The following HAP1 variants were observed in gnomAD, a reference collection of about 807,000 sequenced individuals.
The protein encoded by HAP1 is huntingtin-associated protein 1.
HAP1 carries 59 observed loss-of-function variants against 60.3 expected under a neutral mutation model. That is an observed-to-expected ratio of 0.98 (90% confidence interval 0.79 to 1.22). The LOEUF (loss-of-function observed/expected upper bound fraction) is 1.22. Among genes scored for constraint, HAP1 ranks in the 50% most tolerant of loss-of-function variants. The probability of loss-of-function intolerance (pLI) is 0.00; values close to 1 mark genes in which losing one functional copy is unlikely to be tolerated. For synonymous variants in HAP1, 346 were observed against 330.6 expected (o/e 1.05, Z -0.50); for missense variants, 825 against 785.3 (o/e 1.05, Z -0.60).
rs894484392 is a variant in HAP1, at chr17:41,731,658, T to C, written c.982A>G (p.Asn328Asp). Residue 328 changes from asparagine to aspartate, a missense_variant, in exon 5 of 11, where the codon AAT becomes GAT. Asn to Asp is a conservative substitution (Grantham distance 23). Coordinates refer to ENST00000347901, the MANE Select transcript of HAP1 (RefSeq NM_177977.3). Reference sequence around the variant, plus strand: ...CTCACCTCTTCTCTCAGCTGATGATTCTCCTCCTCCAGCAGCCTCAGCTTC... The same window carrying C: ...CTCACCTCTTCTCTCAGCTGATGATCCTCCTCCTCCAGCAGCCTCAGCTTC... ...QEKLRLLEEE[N>D]HQLREEASQL... The C allele has an allele frequency of 4.3e-6, 7 of 1,613,666 alleles. No individual in the cohort carries two copies. The Admixed American group carries it at 6.7e-5, about 15-fold the overall frequency.
At chr17:41,733,981 G>A (rs905531314) in intron 1 of HAP1, among the ~76,000 whole-genome samples, 185 bp downstream of exon 1, 2 of 152,162 alleles carry the variant, frequency 1.3e-5, no homozygotes, top group Non-Finnish European at 2.9e-5. Flanking sequence ...ACAAACCAGG[G>A]GACAAGAGCA....
intron 6 of HAP1, among the ~76,000 whole-genome samples, chr17:41,729,360 C>G (rs76227957): frequency 1 from 146,857 of 146,868 alleles, 73,423 homozygotes; most frequent in Middle Eastern, 1. Context: ...CACCAGCTTG[C>G]CCAACATGGT....
At chr17:41,718,068 T>C, downstream of HAP1, 1 of 458,152 alleles carries the variant, frequency 2.2e-6, no homozygotes, top group South Asian at 1.6e-5. Context: ...CAAACAAGTT[T>C]ATTAACATGT....
rs1555587460 is a variant in HAP1, at chr17:41,723,041, TCAA to T, written c.*1657_*1659del. 1 of 152,250 alleles carries T rather than the reference TCAA, an allele frequency of 6.6e-6. No individual in the cohort carries two copies. The highest frequency in any genetic ancestry group is 2.4e-5 in the African/African-American group (1 of 41,398). The allele number at this position is 152,250 out of a possible 1,614,324, so 9.4% of individuals were successfully genotyped here. A position where few individuals can be genotyped will look rare whatever the true frequency, so the allele number is the denominator to read the frequency against. ...AGGGAAGACAGCCAGGTCCCTCAAGTCAACAAGAACCAGGGTGGCTACCATTAG... is the reference window on the plus strand; with the variant it reads ...AGGGAAGACAGCCAGGTCCCTCAAGTCAAGAACCAGGGTGGCTACCATTAG... On this transcript the variant is annotated 3_prime_UTR_variant, in exon 11 of 11. Coordinates refer to ENST00000347901, the MANE Select transcript of HAP1 (RefSeq NM_177977.3).
rs1229600565 is a variant in HAP1 at position 41,732,101 on chromosome 17, G to C, written c.732C>G (p.His244Gln). ...GGAGCTCATCCCGCAAGTTCACCTG[G>C]TGTCTGAGGTATAAAATCTGGCAGG... ...SAKEEILYLR[H>Q]QVNLRDELLQ... Residue 244 changes from histidine to glutamine, a missense_variant, in exon 4 of 11, where the codon CAC (histidine) becomes CAG (glutamine). Physicochemically the swap from His to Gln is conservative, Grantham distance 24. Transcript: ENST00000347901. 6.2e-7 allele frequency: 1 copy of C among 1,613,888 alleles called. No homozygotes were observed. The highest frequency in any genetic ancestry group is 2.2e-5 in the East Asian group (1 of 44,880).
downstream of HAP1, chr17:41,718,178 G>A (rs1290045274): frequency 4.3e-5 from 13 of 300,330 alleles, 1 homozygote; most frequent in South Asian, 1.6e-4. Context: ...CACCCTGAAC[G>A]CGCCCGATCT....
chr17:41,727,537 A>G (rs4796691), intron 8 of HAP1: 643,638 of 716,368 alleles, frequency 0.9, 289,849 homozygotes, highest in Middle Eastern at 0.94. Context: ...TCTGGACTCC[A>G]AGTGTCATGT....
chr17:41,724,679 G>A lies in HAP1; in HGVS notation c.*22C>T, dbSNP rs781965308. ...CAGGCTGGGGCAGGTGAGCACTCGG[G>A]GAGCTTATCCACCCTCTCTTTTCAT... On this transcript the variant is annotated 3_prime_UTR_variant, in exon 11 of 11. Coordinates refer to ENST00000347901, the MANE Select transcript of HAP1 (RefSeq NM_177977.3). The A allele has an allele frequency of 1.3e-6, 2 of 1,560,070 alleles. No individual in the cohort carries two copies. The highest frequency in any genetic ancestry group is 8.7e-7 in the Non-Finnish European group (1 of 1,144,830).
chr17:41,727,222 G>A (rs1265200754), intron 8 of HAP1, 78 bp from the exon 9 acceptor site: 1 of 844,740 alleles, frequency 1.2e-6, no homozygotes, highest in Non-Finnish European at 2.1e-6. Flanking sequence ...GAAGGGAACT[G>A]GGATCTCAAT....
At chr17:41,727,340 C>A in intron 8 of HAP1, 196 bp from the exon 9 acceptor site, 1 of 780,922 alleles carries the variant, frequency 1.3e-6, no homozygotes. Context: ...ACCCAGTGGA[C>A]ACTGGGGGTT....
At chr17:41,725,222 G>A (rs1479230290) in intron 10 of HAP1, 68 bp from the exon 11 acceptor site, 50 of 1,216,646 alleles carry the variant, frequency 4.1e-5, no homozygotes, top group African/African-American at 1.9e-4. Context: ...ACCCCCACCC[G>A]TCTCCACACA....
Position 41,723,333 on chromosome 17 carries a change from A to G in HAP1, c.*1368T>C, listed in dbSNP as rs1384267269. ...TCCAACATGTGGGAAAGGGCAGAAC[A>G]TGGAAGAGGAAGCCAGGGGCAGGGA... On this transcript the variant is annotated 3_prime_UTR_variant, in exon 11 of 11. Transcript: ENST00000347901. 6.5e-6 allele frequency: 1 copy of G among 152,758 alleles called. No individual in the cohort carries two copies. Among genetic ancestry groups the G allele is most frequent in the African/African-American group, 2.4e-5 (1 of 41,454 alleles). 9.5% of individuals were successfully genotyped at this position (152,758 alleles called of 1,614,324 possible).
chr17:41,734,157 C>A lies in HAP1; in HGVS notation c.469+9G>T. 6.4e-7 allele frequency: 1 copy of A among 1,567,656 alleles called. No homozygotes were observed. The highest frequency in any genetic ancestry group is 8.7e-7 in the Non-Finnish European group (1 of 1,152,416). On this transcript the variant is annotated intron_variant, in intron 1 of 10. Coordinates refer to ENST00000347901, the MANE Select transcript of HAP1 (RefSeq NM_177977.3). The stretch of plus-strand genomic sequence containing the variant: ...CCACCCGGTCCAGGACCCCGGGGGC[C>A]CGATTTACCTTCCTCCAGCTCCCGA...
At chr17:41,726,787 T>C (rs1911669757) in intron 9 of HAP1, among the ~76,000 whole-genome samples, 1 of 150,204 alleles carries the variant, frequency 6.7e-6, no homozygotes, top group South Asian at 2.1e-4. Flanking sequence ...TGCTTGAACC[T>C]GGGAGGCAGA....
downstream of HAP1, among the ~76,000 whole-genome samples, chr17:41,719,154 C>T (rs1020441484): frequency 2.0e-5 from 3 of 151,778 alleles, no homozygotes; most frequent in Non-Finnish European, 4.4e-5. Flanking sequence ...AATTTTTGTA[C>T]TTTTTAGTAG....
In HAP1 at chr17:41,724,995, A is replaced by T. The variant is rs1911506621; in HGVS notation, c.1566T>A (p.Ala522=). 8 of 1,612,242 alleles carry T rather than the reference A, an allele frequency of 5.0e-6. No individual in the cohort carries two copies. Among genetic ancestry groups the T allele is most frequent in the Non-Finnish European group, 6.8e-6 (8 of 1,179,822 alleles). Residue 522 remains alanine (A), a synonymous_variant, in exon 11 of 11, where the codon GCT becomes GCA. Coordinates refer to ENST00000347901, the MANE Select transcript of HAP1 (RefSeq NM_177977.3). The part of the protein sequence containing the change: ...EELGAAKKVP[A]EEGVMEEAEL... ...CTGCCTCTTCCATCACCCCTTCCTC[A>T]GCCGGCACCTTCTTGGCAGCCCCCA...
In HAP1 at chr17:41,732,725, C is replaced by A; in HGVS notation, c.543G>T (p.Leu181=). 6.2e-7 allele frequency: 1 copy of A among 1,610,718 alleles called. No individual in the cohort carries two copies. Among genetic ancestry groups the A allele is most frequent in the Non-Finnish European group, 8.5e-7 (1 of 1,176,846 alleles). ...QEDVKVMLYL[L]EELLPPVWES... is the part of the protein sequence containing the mutation. ...TCAGGAAGGCAGTACACACCTCCTC[C>A]AGCAAATATAACATCACTTTGACGT... The change falls in exon 2 of 11, where the codon CTG becomes CTT. Residue 181 remains leucine, a synonymous_variant. Coordinates refer to ENST00000347901, the MANE Select transcript of HAP1 (RefSeq NM_177977.3).
At chr17:41,725,616 C>G (rs1911568670) in intron 10 of HAP1, among the ~76,000 whole-genome samples, 1 of 152,178 alleles carries the variant, frequency 6.6e-6, no homozygotes, top group South Asian at 2.1e-4. Context: ...CACCTCTCAG[C>G]CCATAGTCAG....
downstream of HAP1, among the ~76,000 whole-genome samples, chr17:41,719,366 G>A (rs1911106310): frequency 6.6e-6 from 1 of 152,108 alleles, no homozygotes; most frequent in Admixed American, 6.6e-5. Context: ...TCAGAGAGAC[G>A]AGCCACCATC....
Sources: gnomAD v4.1 joint callset for allele counts (sites outside exome capture counted in the v4.1 genomes callset) on GRCh38, gnomAD v4.1.1 for gene constraint, MANE v1.5 for transcripts, NCBI Gene and HGNC (gene_info 2026-07-23, HGNC 2026-07-21) for gene names.